Variants in GRM1 observed in about 807,000 individuals in gnomAD.
The protein encoded by GRM1 is glutamate metabotropic receptor 1.
Under a neutral mutation model 90.9 loss-of-function variants are expected in GRM1, and 33 were observed. That is an observed-to-expected ratio of 0.36 (90% CI 0.28 to 0.49). The LOEUF (loss-of-function observed/expected upper bound fraction) is 0.49. GRM1 is among the 20% of genes least tolerant of loss of function. The pLI is 0.99. For missense variants in GRM1, 1,190 were observed against 1,534.3 expected, an observed-to-expected ratio of 0.78 and a Z score of 3.75; for synonymous variants, 700 against 613.2, an observed-to-expected ratio of 1.14 and a Z score of -2.09.
intron 7 of GRM1, among the ~76,000 whole-genome samples, chr6:146,420,728 A>G (rs1050682438): frequency 6.6e-6 from 1 of 152,194 alleles, no homozygotes; most frequent in East Asian, 1.9e-4. Context: ...TATTCTTAAC[A>G]TTGGTAAATA....
At chr6:146,327,878 AAG>A (rs1784448977) in intron 3 of GRM1, among the ~76,000 whole-genome samples, 1 of 152,094 alleles carries the variant, frequency 6.6e-6, no homozygotes, top group Non-Finnish European at 1.5e-5. Flanking sequence ...TAGCTATTTG[AAG>A]AGAGATTTCG....
intron 1 of GRM1, among the ~76,000 whole-genome samples, chr6:146,045,680 C>A (rs915257451): frequency 8.5e-5 from 11 of 129,150 alleles, no homozygotes; most frequent in African/African-American, 3.2e-4. Flanking sequence ...CATTAGAAGT[C>A]TTTGGTTTTT....
chr6:146,221,770 T>A (rs904916560), intron 2 of GRM1, among the ~76,000 whole-genome samples: 21 of 152,114 alleles, frequency 1.4e-4, no homozygotes, highest in African/African-American at 5.1e-4. Context: ...GGCCATGTAG[T>A]CTCTGTCACA....
chr6:146,075,513 AT>A (rs1244222289), intron 1 of GRM1, among the ~76,000 whole-genome samples: 4 of 152,216 alleles, frequency 2.6e-5, no homozygotes, highest in Non-Finnish European at 4.4e-5. Flanking sequence ...AGTGGATTAC[AT>A]TTTAAGTAAA....
intron 6 of GRM1, among the ~76,000 whole-genome samples, chr6:146,394,760 G>C (rs1172274421): frequency 6.6e-6 from 1 of 152,022 alleles, no homozygotes; most frequent in African/African-American, 2.4e-5. Context: ...TTCAACAGGG[G>C]AACGCTTAAA....
intron 1 of GRM1, among the ~76,000 whole-genome samples, chr6:146,059,437 C>T (rs573658064): frequency 5.3e-5 from 8 of 152,130 alleles, no homozygotes; most frequent in South Asian, 2.1e-4. Flanking sequence ...ACAGAAGTGC[C>T]GTCATTCAGG....
chr6:146,226,721 C>T (rs887865562), intron 2 of GRM1, among the ~76,000 whole-genome samples: 13 of 152,114 alleles, frequency 8.5e-5, no homozygotes, highest in Non-Finnish European at 1.8e-4. Context: ...CCAATTACTG[C>T]TCATGCTGTT....
chr6:146,043,847 C>A (rs1342014075), intron 1 of GRM1, among the ~76,000 whole-genome samples: 1 of 141,284 alleles, frequency 7.1e-6, no homozygotes, highest in African/African-American at 2.6e-5. Flanking sequence ...TATATCTCAA[C>A]CAGAATTTCT....
chr6:146,089,446 C>A (rs1776646360), intron 1 of GRM1, among the ~76,000 whole-genome samples: 1 of 152,088 alleles, frequency 6.6e-6, no homozygotes, highest in African/African-American at 2.4e-5. Context: ...CAAATCATGA[C>A]CCACAGAAGC....
intron 5 of GRM1, among the ~76,000 whole-genome samples, chr6:146,367,529 T>C (rs1264729597): frequency 6.6e-6 from 1 of 152,014 alleles, no homozygotes; most frequent in Admixed American, 6.6e-5. Flanking sequence ...AGTGGCCCAG[T>C]TGGAGAGCTA....
chr6:146,085,153 A>T (rs1284609610), intron 1 of GRM1, among the ~76,000 whole-genome samples: 1 of 152,128 alleles, frequency 6.6e-6, no homozygotes, highest in Admixed American at 6.6e-5. Context: ...GCAATGAAAG[A>T]ACCAGCAACA....
chr6:146,404,592 G>A (rs1404734948), intron 7 of GRM1, among the ~76,000 whole-genome samples: 1 of 152,150 alleles, frequency 6.6e-6, no homozygotes, highest in African/African-American at 2.4e-5. Context: ...TGCTATGCTA[G>A]ACTATTTTAT....
chr6:146,244,019 C>T (rs916773042), intron 2 of GRM1, among the ~76,000 whole-genome samples: 1 of 152,174 alleles, frequency 6.6e-6, no homozygotes, highest in Non-Finnish European at 1.5e-5. Context: ...GGCTCTCAGG[C>T]AGCCAGACCT....
intron 1 of GRM1, among the ~76,000 whole-genome samples, chr6:146,061,085 T>G (rs1057241901): frequency 6.6e-6 from 1 of 152,114 alleles, no homozygotes; most frequent in African/African-American, 2.4e-5. Context: ...GATGGGGGAA[T>G]GCCGAGGCAG....
chr6:146,157,752 G>A lies in GRM1; in HGVS notation c.701-1596G>A, dbSNP rs557354810. The stretch of plus-strand genomic sequence containing the variant: ...CAGGAGTTGGCTCTAACCTAAAGTA[G>A]ACACACTTCAAATTTACAACAGAAA... On this transcript the variant is annotated intron_variant, in intron 1 of 7. Transcript: ENST00000282753. Among the ~76,000 whole-genome samples, 5 of 152,118 alleles carry A rather than the reference G, an allele frequency of 3.3e-5. No individual in the cohort carries two copies. The East Asian group carries it at 9.7e-4, about 29-fold the overall frequency.
intron 2 of GRM1, among the ~76,000 whole-genome samples, chr6:146,232,787 A>G (rs1444277347): frequency 6.6e-6 from 1 of 152,054 alleles, no homozygotes; most frequent in Non-Finnish European, 1.5e-5. Flanking sequence ...AAATGTAGTC[A>G]CATTCTGATG....
intron 3 of GRM1, among the ~76,000 whole-genome samples, chr6:146,308,166 T>C (rs1038776424): frequency 1.3e-4 from 20 of 152,170 alleles, no homozygotes; most frequent in African/African-American, 4.6e-4. Context: ...AGAAATTCCA[T>C]AGAAGCTGAT....
At chr6:146,059,542 A>G (rs1250749513) in intron 1 of GRM1, among the ~76,000 whole-genome samples, 2 of 152,158 alleles carry the variant, frequency 1.3e-5, no homozygotes, top group Non-Finnish European at 2.9e-5. Context: ...CATTGGTTTC[A>G]ACTTAAAGTC....
chr6:146,239,966 G>C (rs1780793227), intron 2 of GRM1, among the ~76,000 whole-genome samples: 1 of 152,102 alleles, frequency 6.6e-6, no homozygotes. Flanking sequence ...TGGGTCACCT[G>C]CCTATCAAGT....
Sources: gnomAD v4.1 joint callset for allele counts (sites outside exome capture counted in the v4.1 genomes callset) on GRCh38, gnomAD v4.1.1 for gene constraint, MANE v1.5 for transcripts, NCBI Gene and HGNC (gene_info 2026-07-23, HGNC 2026-07-21) for gene names.